The following KRT34 variants were observed in gnomAD, a reference collection of about 807,000 sequenced individuals.
KRT34 encodes the protein keratin, type I cuticular Ha4.
A neutral mutation model predicts 41.7 loss-of-function variants in KRT34; 31 were observed. That is an observed-to-expected ratio of 0.74 (90% CI 0.56 to 1.00). KRT34 has a LOEUF of 1.00. Ranked by LOEUF, KRT34 falls within the 50% of genes least tolerant of loss-of-function variation. The pLI, the probability that KRT34 is intolerant of heterozygous loss-of-function variation, is 0.00. For missense variants in KRT34, 523 were observed against 500.3 expected (o/e 1.05, Z -0.43); for synonymous variants, 224 against 212.9 (o/e 1.05, Z -0.45).
In KRT34 at chr17:41,379,477, G is replaced by T. The variant is rs1272175618; in HGVS notation, c.752C>A (p.Thr251Asn). Reference sequence around the variant, plus strand: ...TACCACCTGCTTGTTCAGCTCCTCGGTCTGAAACACCCAAGTGGGGAAAGG... The same window carrying T: ...TACCACCTGCTTGTTCAGCTCCTCGTTCTGAAACACCCAAGTGGGGAAAGG... ...REVEQWFATQ[T>N]EELNKQVVSS... Residue 251 changes from threonine (T) to asparagine (N), a missense_variant and splice_region_variant, in exon 5 of 7, where the codon ACC becomes AAC. Coordinates refer to ENST00000394001, the MANE Select transcript of KRT34 (RefSeq NM_001386014.1). The T allele has an allele frequency of 1.9e-6, 3 of 1,614,242 alleles. No homozygotes were observed. Among genetic ancestry groups the T allele is most frequent in the Non-Finnish European group, 8.5e-7 (1 of 1,180,046 alleles).
intron 3 of KRT34, 24 bp downstream of exon 3, chr17:41,381,032 T>G: frequency 6.2e-7 from 1 of 1,612,508 alleles, no homozygotes; most frequent in Non-Finnish European, 8.5e-7. Flanking sequence ...TTCTGAGGCC[T>G]GCTTTTGTGA....
chr17:41,383,773 C>A (rs911048793), upstream of KRT34, among the ~76,000 whole-genome samples: 1 of 152,190 alleles, frequency 6.6e-6, no homozygotes. Flanking sequence ...GCTTCCAGGA[C>A]AAGCCACAGT....
upstream of KRT34, among the ~76,000 whole-genome samples, chr17:41,383,747 T>TA (rs2144339711): frequency 6.6e-6 from 1 of 152,348 alleles, no homozygotes; most frequent in East Asian, 1.9e-4. Context: ...GAGGTATGAC[T>TA]ATGCCAGCCT....
At chr17:41,379,301 A>G (rs2017920894) in intron 5 of KRT34, 52 bp downstream of exon 5, 2 of 1,611,816 alleles carry the variant, frequency 1.2e-6, no homozygotes, top group Non-Finnish European at 1.7e-6. Flanking sequence ...CATCCCCGGG[A>G]CTCTGCCTCC....
chr17:41,383,307 G>T (rs1735271631), upstream of KRT34, among the ~76,000 whole-genome samples: 1 of 152,180 alleles, frequency 6.6e-6, no homozygotes, highest in Non-Finnish European at 1.5e-5. Flanking sequence ...GTGAGCCAAT[G>T]CGTCCGGCAG....
chr17:41,383,561 C>T (rs909420447), upstream of KRT34, among the ~76,000 whole-genome samples: 3 of 152,146 alleles, frequency 2.0e-5, no homozygotes, highest in Admixed American at 6.5e-5. Context: ...GTTCAGATGG[C>T]AGCACTGAAG....
At chr17:41,379,297 C>G (rs916160951) in intron 5 of KRT34, 56 bp downstream of exon 5, 42 of 1,611,612 alleles carry the variant, frequency 2.6e-5, no homozygotes, top group Non-Finnish European at 3.0e-5. Context: ...AGCACATCCC[C>G]GGGACTCTGC....
Position 41,382,055 on chromosome 17 carries a change from G to A in KRT34, c.192C>T (p.Asn64=), listed in dbSNP as rs761506935. ...TCTCCAGGTAGCTGGCCAGGCGGTCGTTCAGGAACTGCATAGTCTCCTTCT... is the reference window on the plus strand; with the variant it reads ...TCTCCAGGTAGCTGGCCAGGCGGTCATTCAGGAACTGCATAGTCTCCTTCT... ...GSEKETMQFL[N]DRLASYLEKV... The change falls in exon 1 of 7, where the codon AAC becomes AAT. Residue 64 remains asparagine, a synonymous_variant. Transcript: ENST00000394001. 43 of 1,613,636 alleles carry A rather than the reference G, an allele frequency of 2.7e-5. No homozygotes were observed. Among genetic ancestry groups the A allele is most frequent in the East Asian group, 4.5e-5 (2 of 44,898 alleles).
At chr17:41,382,415 T>C (rs1597701523), upstream of KRT34, 1 of 1,511,590 alleles carries the variant, frequency 6.6e-7, no homozygotes, top group Non-Finnish European at 9.1e-7. Flanking sequence ...CTCCAAAATA[T>C]GCTAGTTAGA....
Position 41,379,622 on chromosome 17 carries a change from T to C in KRT34, c.698A>G (p.Glu233Gly). 1 of 1,614,108 alleles carries C rather than the reference T, an allele frequency of 6.2e-7. No homozygotes were observed. The change falls in exon 4 of 7, where the codon GAG becomes GGG. Residue 233 changes from glutamate to glycine, a missense_variant. Coordinates refer to ENST00000394001, the MANE Select transcript of KRT34 (RefSeq NM_001386014.1). ...QVLNETRSQY[E>G]ALVEINRREV... The stretch of plus-strand genomic sequence containing the variant: ...CCTGCGGTTAATTTCCACCAGAGCC[T>C]CATACTGACTCCTGGTCTCGTTCAG...
At position 41,381,219 on chromosome 17, in the gene KRT34, G is replaced by T. The variant is rs763392861; in HGVS notation, c.432-7C>A. The T allele has an allele frequency of 1.2e-6, 2 of 1,610,758 alleles. No homozygotes were observed. The highest frequency in any genetic ancestry group is 2.7e-5 in the African/African-American group (2 of 74,812). On this transcript the variant is annotated splice_polypyrimidine_tract_variant and splice_region_variant and intron_variant, in intron 2 of 6. Transcript: ENST00000394001. ...GGACTGCTCCGTCTGGTACCTGCAC[G>T]TGTCGGAGTGGGAGGATAAGTCAGG...
intron 6 of KRT34, 147 bp downstream of exon 6, chr17:41,378,809 C>T (rs1011586413): frequency 4.2e-6 from 5 of 1,186,940 alleles, no homozygotes; most frequent in Non-Finnish European, 6.0e-6. Context: ...CCTTTGGCCT[C>T]CCTTTGCTTA....
In KRT34 at chr17:41,382,126, C is replaced by A. The variant is rs374164249; in HGVS notation, c.121G>T (p.Val41Leu). ...TCACAGAACCAGTTGCAGTTGCTCACATTGGCGGGGATGTTGCAGGCCCCA... is the reference window on the plus strand; with the variant it reads ...TCACAGAACCAGTTGCAGTTGCTCAAATTGGCGGGGATGTTGCAGGCCCCA... Reference protein sequence around the residue: ...LPGACNIPANVSNCNWFCEGS... With the variant: ...LPGACNIPANLSNCNWFCEGS... Residue 41 changes from valine to leucine, a missense_variant, in exon 1 of 7, where the codon GTG becomes TTG. Physicochemically the swap from Val to Leu is conservative, Grantham distance 32. Transcript: ENST00000394001. 1.9e-5 allele frequency: 30 copies of A among 1,612,370 alleles called. No homozygotes were observed. Among genetic ancestry groups the A allele is most frequent in the Non-Finnish European group, 2.5e-5 (29 of 1,180,058 alleles).
intron 6 of KRT34, 30 bp downstream of exon 6, chr17:41,378,926 C>T: frequency 6.2e-7 from 1 of 1,613,532 alleles, no homozygotes; most frequent in East Asian, 2.2e-5. Flanking sequence ...TGTACACATT[C>T]TTCCCAGACA....
rs140511047 is a variant in KRT34 at position 41,377,712 on chromosome 17, C to T, written c.*347G>A. Reference sequence around the variant, plus strand: ...GTTTATTGGGAAGTAAATGAAGTCTCCTCCTTGCATTCCAGAGAATGCCAA... The same window carrying T: ...GTTTATTGGGAAGTAAATGAAGTCTTCTCCTTGCATTCCAGAGAATGCCAA... On this transcript the variant is annotated 3_prime_UTR_variant, in exon 7 of 7. Transcript: ENST00000394001. 1.5e-5 allele frequency: 4 copies of T among 263,902 alleles called. No individual in the cohort carries two copies. The highest frequency in any genetic ancestry group is 4.8e-5 in the Admixed American group (1 of 20,860). 16.3% of individuals were successfully genotyped at this position (263,902 alleles called of 1,614,324 possible).
chr17:41,380,538 C>T (rs901539316), intron 3 of KRT34, among the ~76,000 whole-genome samples: 3 of 152,172 alleles, frequency 2.0e-5, no homozygotes, highest in Non-Finnish European at 2.9e-5. Context: ...AACCTCTTCC[C>T]TCAGACTGAA....
intron 5 of KRT34, 69 bp from the exon 6 acceptor site, chr17:41,379,245 G>A: frequency 6.2e-7 from 1 of 1,608,628 alleles, no homozygotes; most frequent in Admixed American, 1.7e-5. Context: ...GGATTACAAG[G>A]AAGTCACAAG....
intron 3 of KRT34, 145 bp from the exon 4 acceptor site, chr17:41,379,876 A>G (rs1374239188): frequency 1.3e-5 from 11 of 871,606 alleles, no homozygotes; most frequent in Non-Finnish European, 1.9e-5. Flanking sequence ...TTTTATAGCA[A>G]TAAACTCCAA....
chr17:41,383,114 G>A (rs773053330), upstream of KRT34, among the ~76,000 whole-genome samples: 16 of 151,934 alleles, frequency 1.1e-4, no homozygotes, highest in Non-Finnish European at 2.2e-4. Flanking sequence ...CCACCTCCCG[G>A]GTTCAAGCAA....
Sources: gnomAD v4.1 joint callset for allele counts (sites outside exome capture counted in the v4.1 genomes callset) on GRCh38, gnomAD v4.1.1 for gene constraint, MANE v1.5 for transcripts, NCBI Gene and HGNC (gene_info 2026-07-23, HGNC 2026-07-21) for gene names.